The following LRMDA variants were observed in gnomAD, a reference collection of about 807,000 sequenced individuals.
LRMDA encodes the protein leucine-rich melanocyte differentiation-associated protein.
In LRMDA, 18 loss-of-function variants were observed where a neutral mutation model predicts 29.8. The ratio of observed to expected loss-of-function variants is 0.60; its 90% CI spans 0.42 to 0.90. The LOEUF (loss-of-function observed/expected upper bound fraction) is 0.90, where lower values mean the gene tolerates loss of function less well. Ranked by LOEUF, LRMDA falls within the 40% of genes least tolerant of loss-of-function variation. LRMDA has a pLI of 0.00. For missense variants in LRMDA, 273 were observed against 273.9 expected, an observed-to-expected ratio of 1.00 and a Z score of 0.02; for synonymous variants, 125 against 109.4, an observed-to-expected ratio of 1.14 and a Z score of -0.89.
At chr10:76,535,758 T>G (rs1481828566) in intron 6 of LRMDA, 2 of 152,184 alleles carry the variant, frequency 1.3e-5, no homozygotes, top group Non-Finnish European at 2.9e-5. Flanking sequence ...GTGTATTATA[T>G]ATACCATTTT....
intron 5 of LRMDA, among the ~76,000 whole-genome samples, chr10:76,070,867 G>A (rs551812351): frequency 6.6e-6 from 1 of 152,240 alleles, no homozygotes; most frequent in African/African-American, 2.4e-5. Flanking sequence ...TGTTCTTGTG[G>A]GAATGGTAGA....
intron 2 of LRMDA, among the ~76,000 whole-genome samples, chr10:75,930,162 A>C (rs188735248): frequency 1.8e-3 from 276 of 152,344 alleles, no homozygotes; most frequent in Non-Finnish European, 3.4e-3. Flanking sequence ...AGTATATCTA[A>C]TAATAGTTCT....
At chr10:75,882,142 A>G (rs572535341) in intron 2 of LRMDA, among the ~76,000 whole-genome samples, 110 of 152,334 alleles carry the variant, frequency 7.2e-4, no homozygotes, top group African/African-American at 1.0e-3. Flanking sequence ...GGAACCGAAA[A>G]GAGGCCTGAG....
Position 75,539,502 on chromosome 10 carries a change from T to A in LRMDA, c.131+101008T>A, listed in dbSNP as rs535283166. On this transcript the variant is annotated intron_variant, in intron 2 of 6. Coordinates refer to ENST00000611255, the MANE Select transcript of LRMDA (RefSeq NM_001305581.2). ...CATGAATACCTTAGACTGAACTCTT[T>A]CCTTTGCACATTATAAGCCTCGGTT... 5.3e-5 allele frequency among the ~76,000 whole-genome samples: 8 copies of A among 152,318 alleles called. No individual in the cohort carries two copies. The East Asian group carries it at 1.5e-3, about 29-fold the overall frequency.
chr10:75,748,286 G>T (rs1429394653), intron 2 of LRMDA, among the ~76,000 whole-genome samples: 1 of 152,112 alleles, frequency 6.6e-6, no homozygotes, highest in Admixed American at 6.6e-5. Flanking sequence ...TAGAGATGGG[G>T]TTTTACCATG....
chr10:76,051,625 G>T (rs922688252), intron 4 of LRMDA, among the ~76,000 whole-genome samples: 1 of 152,180 alleles, frequency 6.6e-6, no homozygotes, highest in Non-Finnish European at 1.5e-5. Flanking sequence ...AAGAAAGGAC[G>T]ACATGGACAT....
In LRMDA at chr10:75,462,131, G is replaced by T. The variant is rs189580413; in HGVS notation, c.131+23637G>T. ...CAAAGAAGACAAAGTATGAAGCCTGGATACAGTGCAAAATGAAATAAAACC... is the reference window on the plus strand; with the variant it reads ...CAAAGAAGACAAAGTATGAAGCCTGTATACAGTGCAAAATGAAATAAAACC... On this transcript the variant is annotated intron_variant, in intron 2 of 6. Coordinates refer to ENST00000611255, the MANE Select transcript of LRMDA (RefSeq NM_001305581.2). 1.1e-4 allele frequency among the ~76,000 whole-genome samples: 16 copies of T among 152,344 alleles called. No individual in the cohort carries two copies. The East Asian group carries it at 2.7e-3, about 26-fold the overall frequency.
At chr10:75,781,374 T>A (rs544827687) in intron 2 of LRMDA, among the ~76,000 whole-genome samples, 1 of 152,312 alleles carries the variant, frequency 6.6e-6, no homozygotes, top group Admixed American at 6.5e-5. Context: ...CTAGTAGTTC[T>A]CAGGAATGGA....
chr10:75,808,413 C>A (rs922424866), intron 2 of LRMDA, among the ~76,000 whole-genome samples: 1 of 152,166 alleles, frequency 6.6e-6, no homozygotes, highest in African/African-American at 2.4e-5. Context: ...ACATATGGTT[C>A]CAGAAAAAGG....
At chr10:76,464,068 A>C (rs1842539747) in intron 6 of LRMDA, among the ~76,000 whole-genome samples, 1 of 151,714 alleles carries the variant, frequency 6.6e-6, no homozygotes, top group Non-Finnish European at 1.5e-5. Flanking sequence ...TACAGGCACG[A>C]ACCACCACGC....
At chr10:76,091,289 G>A (rs200099913) in intron 5 of LRMDA, among the ~76,000 whole-genome samples, 53,340 of 148,316 alleles carry the variant, frequency 0.36, 9,914 homozygotes, top group Non-Finnish European at 0.43. Context: ...GTGTGTGTGT[G>A]TGTGTGTGTG....
At chr10:75,491,964 AACC>A (rs1448540836) in intron 2 of LRMDA, among the ~76,000 whole-genome samples, 2 of 152,370 alleles carry the variant, frequency 1.3e-5, no homozygotes. Context: ...TACAAAAAAT[AACC>A]ACCATGGAAA....
At chr10:76,445,974 C>T (rs1842350418) in intron 6 of LRMDA, among the ~76,000 whole-genome samples, 1 of 152,128 alleles carries the variant, frequency 6.6e-6, no homozygotes, top group South Asian at 2.1e-4. Flanking sequence ...TGAAGTCCCT[C>T]ACATTCCTCT....
intron 2 of LRMDA, among the ~76,000 whole-genome samples, chr10:75,475,473 GCTTCCGAGA>G (rs1387507805): frequency 2.6e-5 from 4 of 152,172 alleles, no homozygotes; most frequent in Non-Finnish European, 5.9e-5. Context: ...ACCTGGGACT[GCTTCCGAGA>G]GATAATTGGA....
In LRMDA at chr10:76,499,033, G is replaced by A. The variant is rs1168055167; in HGVS notation, c.602-58176G>A. Among the ~76,000 whole-genome samples, 8 of 74,488 alleles carry A rather than the reference G, an allele frequency of 1.1e-4. 4 individuals carry two copies. Among genetic ancestry groups the A allele is most frequent in the East Asian group, 1.0e-3 (4 of 3,958 alleles). 48.9% of individuals were successfully genotyped at this position (74,488 alleles called of 152,430 possible). A position where few individuals can be genotyped will look rare whatever the true frequency, so the allele number is the denominator to read the frequency against. On this transcript the variant is annotated intron_variant, in intron 6 of 6. Transcript: ENST00000611255. Reference sequence around the variant, plus strand: ...ATGATCATCATCATCATCATTGGCCGCATTTTTAGAGAATTTGCTATGTAC... The same window carrying A: ...ATGATCATCATCATCATCATTGGCCACATTTTTAGAGAATTTGCTATGTAC...
chr10:75,928,808 G>A (rs1021079321), intron 2 of LRMDA, among the ~76,000 whole-genome samples: 2 of 152,054 alleles, frequency 1.3e-5, no homozygotes, highest in Non-Finnish European at 2.9e-5. Context: ...AAGGAAGGGT[G>A]TTTTCTGGCA....
chr10:76,154,662 T>C (rs1222018377), intron 5 of LRMDA, among the ~76,000 whole-genome samples: 1 of 152,222 alleles, frequency 6.6e-6, no homozygotes, highest in East Asian at 1.9e-4. Context: ...TCAAGGCTTT[T>C]ATCTGCATTA....
chr10:75,956,377 T>C (rs893696142), intron 2 of LRMDA, among the ~76,000 whole-genome samples: 1 of 152,216 alleles, frequency 6.6e-6, no homozygotes, highest in Non-Finnish European at 1.5e-5. Flanking sequence ...TGTTTGTCTA[T>C]TGGGGTCTCT....
intron 6 of LRMDA, among the ~76,000 whole-genome samples, chr10:76,544,646 C>T (rs1448335639): frequency 6.6e-6 from 1 of 151,840 alleles, no homozygotes; most frequent in Non-Finnish European, 1.5e-5. Context: ...ACTATTAATT[C>T]TTCCTTAACC....
Sources: allele counts gnomAD v4.1 joint callset (sites outside exome capture counted in the v4.1 genomes callset), GRCh38; gene constraint gnomAD v4.1.1; transcripts MANE v1.5; gene names NCBI Gene and HGNC (gene_info 2026-07-23, HGNC 2026-07-21).